DYNC2H1: variants seen among roughly 807,000 people sequenced by gnomAD.
DYNC2H1 encodes cytoplasmic dynein 2 heavy chain 1.
Under a neutral mutation model 570.0 loss-of-function variants are expected in DYNC2H1, and 410 were observed. That is an observed-to-expected ratio of 0.72 (90% CI 0.66 to 0.78). The LOEUF is 0.78. Ranked by LOEUF, DYNC2H1 falls within the 30% of genes least tolerant of loss-of-function variation. DYNC2H1 has a pLI of 0.00. For synonymous variants in DYNC2H1, 1,688 were observed against 1,677.6 expected, an observed-to-expected ratio of 1.01 and a Z score of -0.15; for missense variants, 4,865 against 5,046.4, an observed-to-expected ratio of 0.96 and a Z score of 1.09.
chr11:103,242,965 C>T (rs1864474059), intron 63 of DYNC2H1, among the ~76,000 whole-genome samples: 1 of 152,080 alleles, frequency 6.6e-6, no homozygotes, highest in Admixed American at 6.6e-5. Flanking sequence ...ATGATCTATC[C>T]ACCTCAGCCT....
intron 82 of DYNC2H1, among the ~76,000 whole-genome samples, chr11:103,339,814 A>G (rs966565020): frequency 1.5e-4 from 23 of 152,212 alleles, no homozygotes; most frequent in Admixed American, 2.6e-4. Context: ...ATAGTTGCTG[A>G]AGTAGGCTGA....
In DYNC2H1 at chr11:103,109,492, G is replaced by A. The variant is rs1858004675; in HGVS notation, c.-83G>A. On this transcript the variant is annotated 5_prime_UTR_variant, in exon 1 of 89. Coordinates refer to ENST00000375735, the MANE Select transcript of DYNC2H1 (RefSeq NM_001377.3). ...CGGTCGGGCTACGGGTTTGAGCAAA[G>A]CTCCTCTCTTCCCTTCACTTCCCTC... 7.3e-7 allele frequency: 1 copy of A among 1,361,308 alleles called. No individual in the cohort carries two copies. Among genetic ancestry groups the A allele is most frequent in the Non-Finnish European group, 1.0e-6 (1 of 993,228 alleles). 84.3% of individuals were successfully genotyped at this position (1,361,308 alleles called of 1,614,324 possible). A position where few individuals can be genotyped will look rare whatever the true frequency, so the allele number is the denominator to read the frequency against.
intron 28 of DYNC2H1, among the ~76,000 whole-genome samples, chr11:103,159,834 A>C (rs746497211): frequency 6.6e-6 from 1 of 152,138 alleles, no homozygotes; most frequent in African/African-American, 2.4e-5. Context: ...CCATGGGCCA[A>C]AATCTGGCTC....
rs937248261 is a variant in DYNC2H1 at position 103,459,374 on chromosome 11, T to G, written c.12648+3018T>G. ...ATAGTTCATTTCCTGCTCAAAAAAT[T>G]TGTTTTCGTATTACTACTATTTTCT... On this transcript the variant is annotated intron_variant, in intron 87 of 88. Coordinates refer to ENST00000375735, the MANE Select transcript of DYNC2H1 (RefSeq NM_001377.3). 3.3e-5 allele frequency among the ~76,000 whole-genome samples: 5 copies of G among 151,824 alleles called. No homozygotes were observed. The East Asian group carries it at 7.7e-4, about 23-fold the overall frequency.
chr11:103,469,636 C>G (rs199889306), intron 88 of DYNC2H1, among the ~76,000 whole-genome samples: 8 of 152,166 alleles, frequency 5.3e-5, no homozygotes, highest in Admixed American at 2.6e-4. Context: ...AGAGTATCCT[C>G]TGACCTAAAA....
intron 17 of DYNC2H1, among the ~76,000 whole-genome samples, chr11:103,142,020 G>C (rs1340188572): frequency 6.6e-6 from 1 of 152,204 alleles, no homozygotes; most frequent in Non-Finnish European, 1.5e-5. Flanking sequence ...GCCATGTGCA[G>C]GATATAATCT....
chr11:103,200,362 A>G (rs887807796), intron 50 of DYNC2H1, among the ~76,000 whole-genome samples: 2 of 152,162 alleles, frequency 1.3e-5, no homozygotes, highest in African/African-American at 2.4e-5. Context: ...AAAAATTGTT[A>G]ATATTGAGTA....
intron 84 of DYNC2H1, among the ~76,000 whole-genome samples, chr11:103,408,586 C>G (rs1942961785): frequency 6.6e-6 from 1 of 151,960 alleles, no homozygotes; most frequent in South Asian, 2.1e-4. Context: ...AGAAACCGAC[C>G]TGGATTACTC....
At position 103,125,153 on chromosome 11, in the gene DYNC2H1, A is replaced by T. The variant is rs190861340; in HGVS notation, c.1715A>T (p.Lys572Ile). The change falls in exon 12 of 89, where the codon AAA becomes ATA. Residue 572 changes from lysine to isoleucine, a missense_variant. Lys to Ile is a moderately radical substitution (Grantham distance 102, BLOSUM62 -3). Around this residue, in one of 5 missense-constraint regions of DYNC2H1, gnomAD observed 1,936 missense variants for 1,962.1 expected, o/e 0.99. Coordinates refer to ENST00000375735, the MANE Select transcript of DYNC2H1 (RefSeq NM_001377.3). The stretch of plus-strand genomic sequence containing the variant: ...TTGGATTCTAATGATGGATTACTAA[A>T]AGTGCATTATTCAGATCGTTTGGTG... ...MELDSNDGLL[K>I]VHYSDRLVIL... The T allele has an allele frequency of 1.2e-5, 19 of 1,613,670 alleles. No homozygotes were observed. The Admixed American group carries it at 3.0e-4, about 25-fold the overall frequency.
At chr11:103,116,859 AT>A (rs1485124830) in intron 5 of DYNC2H1, 145 bp downstream of exon 5, 5 of 661,096 alleles carry the variant, frequency 7.6e-6, no homozygotes, top group Non-Finnish European at 1.1e-5. Flanking sequence ...TTAAATAGAT[AT>A]TTGTATATAG....
chr11:103,352,866 C>T (rs1004166766), intron 82 of DYNC2H1, among the ~76,000 whole-genome samples: 1 of 152,146 alleles, frequency 6.6e-6, no homozygotes, highest in Non-Finnish European at 1.5e-5. Context: ...TACTGTAGCA[C>T]TATTCACAAT....
chr11:103,329,594 G>A (rs1212433790), intron 82 of DYNC2H1, among the ~76,000 whole-genome samples: 1 of 152,108 alleles, frequency 6.6e-6, no homozygotes. Flanking sequence ...GGGAGAAATT[G>A]TTATTACTGA....
chr11:103,458,080 G>A (rs555541491), intron 87 of DYNC2H1, among the ~76,000 whole-genome samples: 88 of 152,228 alleles, frequency 5.8e-4, no homozygotes, highest in African/African-American at 2.0e-3. Flanking sequence ...AGTGTCCTAG[G>A]CCTTCACATC....
At chr11:103,349,280 A>C (rs1285411846) in intron 82 of DYNC2H1, among the ~76,000 whole-genome samples, 2 of 152,220 alleles carry the variant, frequency 1.3e-5, no homozygotes, top group Non-Finnish European at 2.9e-5. Flanking sequence ...GATATATAAT[A>C]GATATTATTT....
At chr11:103,307,244 G>C (rs1221568140) in intron 77 of DYNC2H1, among the ~76,000 whole-genome samples, 1 of 152,086 alleles carries the variant, frequency 6.6e-6, no homozygotes, top group Non-Finnish European at 1.5e-5. Flanking sequence ...ACTAAAAATT[G>C]TAAATAAGGG....
At position 103,264,267 on chromosome 11, in the gene DYNC2H1, A is replaced by C. The variant is rs1591493343; in HGVS notation, c.10695+4290A>C. Among the ~76,000 whole-genome samples the C allele has an allele frequency of 6.6e-6, 1 of 152,212 alleles. No individual in the cohort carries two copies. The highest frequency in any genetic ancestry group is 2.4e-5 in the African/African-American group (1 of 41,446). ...TCAGATGGATTCACAGCCAAATTCT[A>C]CCAGAGGTACAAAGAGGAGTTGGTA... On this transcript the variant is annotated intron_variant, in intron 70 of 88. Transcript: ENST00000375735. This position sits in a 1 kb window ranked among gnomAD's most constrained non-coding sequence, Gnocchi z 4.8.
intron 31 of DYNC2H1, among the ~76,000 whole-genome samples, chr11:103,168,226 C>T (rs1861414892): frequency 6.6e-6 from 1 of 152,170 alleles, no homozygotes; most frequent in Non-Finnish European, 1.5e-5. Flanking sequence ...GCAGAAGACC[C>T]CTTTCCTTCT....
At chr11:103,387,963 T>C (rs1417548302) in intron 83 of DYNC2H1, among the ~76,000 whole-genome samples, 1 of 152,230 alleles carries the variant, frequency 6.6e-6, no homozygotes. Context: ...TTTTTTGGCT[T>C]GGGATTGACT....
In DYNC2H1 at chr11:103,458,221, A is replaced by G. The variant is rs543388391; in HGVS notation, c.12648+1865A>G. Among the ~76,000 whole-genome samples, 15 of 152,276 alleles carry G rather than the reference A, an allele frequency of 9.9e-5. No individual in the cohort carries two copies. In the East Asian group the frequency reaches 2.9e-3, roughly 29 times the overall value. Reference sequence around the variant, plus strand: ...TCTCTTTACTGTATATTTTCTATGCATAGATACACTTACCATGTGTTCCAG... The same window carrying G: ...TCTCTTTACTGTATATTTTCTATGCGTAGATACACTTACCATGTGTTCCAG... On this transcript the variant is annotated intron_variant, in intron 87 of 88. Transcript: ENST00000375735.
Sources: gnomAD v4.1 joint callset for allele counts (sites outside exome capture counted in the v4.1 genomes callset) on GRCh38, gnomAD v4.1.1 for gene constraint, gnomAD v4.1.1 regional missense constraint, Gnocchi (gnomAD v3.1) non-coding constraint, MANE v1.5 for transcripts, NCBI Gene and HGNC (gene_info 2026-07-23, HGNC 2026-07-21) for gene names.